Variants in MMP26 observed in about 807,000 individuals in gnomAD.
The protein encoded by MMP26 is matrix metallopeptidase 26.
In MMP26, 33 loss-of-function variants were observed where a neutral mutation model predicts 31.0. The ratio of observed to expected loss-of-function variants is 1.06; its 90% CI spans 0.81 to 1.42. The LOEUF is 1.42. Among genes scored for constraint, MMP26 ranks in the 40% most tolerant of loss-of-function variants. The pLI is 0.00. For missense variants in MMP26, 347 were observed against 316.1 expected (o/e 1.10, Z -0.74); for synonymous variants, 122 against 114.9 (o/e 1.06, Z -0.40).
At chr11:4,750,836 T>A (rs7951715) in intron 1 of MMP26, among the ~76,000 whole-genome samples, 1 of 151,768 alleles carries the variant, frequency 6.6e-6, no homozygotes, top group African/African-American at 2.4e-5. Context: ...ACTCTATTTG[T>A]ATGACGCCTA....
chr11:4,747,256 A>G (rs1263162079), intron 1 of MMP26, among the ~76,000 whole-genome samples: 1 of 152,204 alleles, frequency 6.6e-6, no homozygotes, highest in Non-Finnish European at 1.5e-5. Context: ...TAGCTGGGAA[A>G]GTGTTGAACA....
intron 2 of MMP26, among the ~76,000 whole-genome samples, chr11:4,838,578 C>G (rs1479413143): frequency 1.3e-5 from 2 of 150,418 alleles, no homozygotes; most frequent in African/African-American, 4.9e-5. Flanking sequence ...TCGTAGAAAA[C>G]AGTTGAATAA....
chr11:4,830,997 A>G (rs536441624), intron 2 of MMP26, among the ~76,000 whole-genome samples: 2 of 152,210 alleles, frequency 1.3e-5, no homozygotes, highest in African/African-American at 4.8e-5. Context: ...ACAAGGATGC[A>G]TTGGTCACAT....
At chr11:4,942,055 G>A (rs1437814555) in intron 2 of MMP26, among the ~76,000 whole-genome samples, 1 of 111,190 alleles carries the variant, frequency 9.0e-6, no homozygotes, top group Admixed American at 1.2e-4. Flanking sequence ...ACTGTGCTCT[G>A]CTCCAGCCTG....
chr11:4,831,433 T>A (rs538495969), intron 2 of MMP26, among the ~76,000 whole-genome samples: 28 of 152,362 alleles, frequency 1.8e-4, no homozygotes, highest in Admixed American at 1.8e-3. Context: ...TCTTTTTCTG[T>A]GAATATCCAA....
At chr11:4,904,025 G>C (rs1850843950) in intron 2 of MMP26, among the ~76,000 whole-genome samples, 1 of 151,978 alleles carries the variant, frequency 6.6e-6, no homozygotes, top group South Asian at 2.1e-4. Context: ...TTAATAATAT[G>C]ACAAATAAAA....
At chr11:4,723,925 T>A (rs1314523324) in intron 1 of MMP26, 2 of 901,074 alleles carry the variant, frequency 2.2e-6, no homozygotes, top group African/African-American at 3.3e-5. Flanking sequence ...GGCCTGGATG[T>A]TGGGATCTAC....
chr11:4,750,531 A>G (rs1474388147), intron 1 of MMP26, among the ~76,000 whole-genome samples: 1 of 152,118 alleles, frequency 6.6e-6, no homozygotes, highest in East Asian at 1.9e-4. Flanking sequence ...AGTGTCCAAC[A>G]GTGGATGACT....
intron 2 of MMP26, chr11:4,803,969 T>C: frequency 6.2e-7 from 1 of 1,613,586 alleles, no homozygotes; most frequent in Non-Finnish European, 8.5e-7. Flanking sequence ...GGGGTCAGGA[T>C]GCTAGAGTGT....
At chr11:4,747,766 G>A (rs1474175314) in intron 1 of MMP26, among the ~76,000 whole-genome samples, 2 of 151,958 alleles carry the variant, frequency 1.3e-5, no homozygotes, top group African/African-American at 2.4e-5. Flanking sequence ...GTTAAAATAG[G>A]CAACATAAGA....
chr11:4,882,398 ACT>A (rs1850484183), intron 2 of MMP26: 1 of 1,613,748 alleles, frequency 6.2e-7, no homozygotes, highest in Non-Finnish European at 8.5e-7. Context: ...AGCCATAAAC[ACT>A]GTGTCTTTTC....
chr11:4,788,835 C>G (rs1848982678), intron 2 of MMP26, among the ~76,000 whole-genome samples: 1 of 152,044 alleles, frequency 6.6e-6, no homozygotes, highest in Non-Finnish European at 1.5e-5. Context: ...CTCAAGTAGA[C>G]AATATATTCA....
chr11:4,833,241 C>G (rs553111888), intron 2 of MMP26, among the ~76,000 whole-genome samples: 16 of 152,260 alleles, frequency 1.1e-4, no homozygotes, highest in Non-Finnish European at 1.6e-4. Flanking sequence ...TATACCACAG[C>G]TTTTCTACTT....
chr11:4,788,439 G>A (rs571117208), intron 2 of MMP26, among the ~76,000 whole-genome samples: 4 of 152,022 alleles, frequency 2.6e-5, no homozygotes, highest in Admixed American at 6.5e-5. Flanking sequence ...AAGGAAAATG[G>A]CTTCTAAGAA....
At chr11:4,924,553 G>A (rs1284098575) in intron 2 of MMP26, among the ~76,000 whole-genome samples, 1 of 152,172 alleles carries the variant, frequency 6.6e-6, no homozygotes, top group Non-Finnish European at 1.5e-5. Context: ...GCAAATAATA[G>A]TAGGCTAATC....
At chr11:4,888,212 T>G (rs1292886697) in intron 2 of MMP26, among the ~76,000 whole-genome samples, 1 of 152,114 alleles carries the variant, frequency 6.6e-6, no homozygotes, top group African/African-American at 2.4e-5. Context: ...TATTCTAAAT[T>G]TTATGTTTTA....
intron 2 of MMP26, among the ~76,000 whole-genome samples, chr11:4,987,084 G>T (rs1846912602): frequency 1.3e-5 from 2 of 150,196 alleles, no homozygotes; most frequent in African/African-American, 2.5e-5. Context: ...GTTTCACCAC[G>T]TTGGTCAGGC....
chr11:4,915,569 A>T (rs1434682093), intron 2 of MMP26: 14 of 1,614,084 alleles, frequency 8.7e-6, no homozygotes, highest in Non-Finnish European at 9.3e-6. Flanking sequence ...TGGGATGGAG[A>T]TCCAGATGTG....
Position 4,838,438 on chromosome 11 carries a change from G to A in MMP26, c.-145+71097G>A, listed in dbSNP as rs990251607. Among the ~76,000 whole-genome samples the A allele has an allele frequency of 3.5e-5, 5 of 142,480 alleles. No individual in the cohort carries two copies. The East Asian group carries it at 1.1e-3, about 31-fold the overall frequency. The allele number at this position is 142,480 out of a possible 152,430, so 93.5% of individuals were successfully genotyped here. A position where few individuals can be genotyped will look rare whatever the true frequency, so the allele number is the denominator to read the frequency against. On this transcript the variant is annotated intron_variant, in intron 2 of 7. Transcript: ENST00000380390. The stretch of plus-strand genomic sequence containing the variant: ...ACTTTTAACATGTAAATCCTTTAAA[G>A]CCAGCAATCGTGACCTGGAGATCAG...
Sources: allele counts gnomAD v4.1 joint callset (sites outside exome capture counted in the v4.1 genomes callset), GRCh38; gene constraint gnomAD v4.1.1; transcripts MANE v1.5; gene names NCBI Gene and HGNC (gene_info 2026-07-23, HGNC 2026-07-21).